Variants in GRM5 observed in about 807,000 individuals in gnomAD.
The protein encoded by GRM5 is glutamate metabotropic receptor 5.
In GRM5, 19 loss-of-function variants were observed where a neutral mutation model predicts 83.1. The observed-to-expected ratio is 0.23, with a 90% CI of 0.16 to 0.34. The LOEUF is 0.34. Among genes scored for constraint, GRM5 ranks in the 10% least tolerant of loss-of-function variants. The probability of loss-of-function intolerance (pLI) is 1.00; values close to 1 mark genes in which losing one functional copy is unlikely to be tolerated. For missense variants in GRM5, 1,160 were observed against 1,588.3 expected (o/e 0.73, Z 4.58); for synonymous variants, 675 against 633.6 (o/e 1.07, Z -0.98).
At chr11:89,041,655 C>T (rs1208295994) in intron 2 of GRM5, among the ~76,000 whole-genome samples, 3 of 152,178 alleles carry the variant, frequency 2.0e-5, no homozygotes, top group Non-Finnish European at 2.9e-5. Context: ...CCCCTCTAAA[C>T]GCTCTTTCCA....
chr11:88,622,146 T>C (rs576483567), intron 4 of GRM5, among the ~76,000 whole-genome samples: 37 of 152,276 alleles, frequency 2.4e-4, no homozygotes, highest in African/African-American at 8.9e-4. Flanking sequence ...TCTGAAATAT[T>C]TCAAAGGTAG....
At chr11:88,588,098 A>AG (rs1241098891) in intron 7 of GRM5, among the ~76,000 whole-genome samples, 15 of 152,190 alleles carry the variant, frequency 9.9e-5, no homozygotes, top group African/African-American at 3.6e-4. Flanking sequence ...TTCTCCCATC[A>AG]GCACCTTCTT....
At chr11:89,007,057 A>G (rs1940550779) in intron 2 of GRM5, among the ~76,000 whole-genome samples, 1 of 152,140 alleles carries the variant, frequency 6.6e-6, no homozygotes, top group Non-Finnish European at 1.5e-5. Flanking sequence ...TTGGCCTCCC[A>G]AAGTGCTGGG....
chr11:88,540,828 G>A (rs1942248443), intron 8 of GRM5, among the ~76,000 whole-genome samples: 2 of 151,872 alleles, frequency 1.3e-5, no homozygotes, highest in South Asian at 2.1e-4. Flanking sequence ...CTCACTGTAA[G>A]CTCTGCCTCC....
intron 2 of GRM5, among the ~76,000 whole-genome samples, chr11:88,874,451 A>G (rs1257762329): frequency 2.0e-5 from 3 of 151,982 alleles, no homozygotes; most frequent in Non-Finnish European, 4.4e-5. Flanking sequence ...ATTGGATTAA[A>G]GACTTAAATG....
chr11:89,003,018 C>T (rs1033442429), intron 2 of GRM5, among the ~76,000 whole-genome samples: 1 of 152,020 alleles, frequency 6.6e-6, no homozygotes, highest in Non-Finnish European at 1.5e-5. Flanking sequence ...TTCTTGTTCA[C>T]TGCACTATCC....
At chr11:88,553,232 A>G (rs1458475714) in intron 8 of GRM5, among the ~76,000 whole-genome samples, 1 of 152,204 alleles carries the variant, frequency 6.6e-6, no homozygotes, top group East Asian at 1.9e-4. Flanking sequence ...CATTTGGGCT[A>G]GAACATTTGG....
chr11:88,678,906 T>G (rs1052420192), intron 3 of GRM5, among the ~76,000 whole-genome samples: 6 of 151,372 alleles, frequency 4.0e-5, no homozygotes, highest in Non-Finnish European at 5.9e-5. Context: ...GAAGCTTGAC[T>G]CATTTAAAAA....
intron 3 of GRM5, among the ~76,000 whole-genome samples, chr11:88,702,862 G>C (rs1941067321): frequency 6.6e-6 from 1 of 152,056 alleles, no homozygotes; most frequent in Non-Finnish European, 1.5e-5. Context: ...TCAACCATCT[G>C]TAGGTCAATG....
intron 2 of GRM5, chr11:88,925,753 A>T (rs1229445555): frequency 2.2e-6 from 1 of 453,678 alleles, no homozygotes; most frequent in South Asian, 1.5e-5. Context: ...CTCTACTAAA[A>T]ATACAAAAAT....
At chr11:89,041,702 T>A (rs1235677792) in intron 2 of GRM5, among the ~76,000 whole-genome samples, 1 of 152,150 alleles carries the variant, frequency 6.6e-6, no homozygotes, top group Non-Finnish European at 1.5e-5. Context: ...AGCAATGAAG[T>A]TTCTGACAGT....
At chr11:89,038,472 G>C (rs1473509367) in intron 2 of GRM5, among the ~76,000 whole-genome samples, 2 of 152,172 alleles carry the variant, frequency 1.3e-5, no homozygotes, top group Non-Finnish European at 2.9e-5. Flanking sequence ...ATTGGCATCT[G>C]AAGGACAGAG....
chr11:88,726,280 AG>A (rs1367739300), intron 3 of GRM5, among the ~76,000 whole-genome samples: 2 of 152,208 alleles, frequency 1.3e-5, no homozygotes, highest in African/African-American at 4.8e-5. Context: ...AGCAGAAGAA[AG>A]GATATCAGAG....
At position 88,954,738 on chromosome 11, in the gene GRM5, CT is replaced by C. The variant is rs528545837; in HGVS notation, c.661+92473del. The stretch of plus-strand genomic sequence containing the variant: ...GACAGCACAGCTCTAGTCATTTCCC[CT>C]GTGTTCTGTCCTGTAATCACCTGGC... On this transcript the variant is annotated intron_variant, in intron 2 of 9. Transcript: ENST00000305447. Among the ~76,000 whole-genome samples the C allele has an allele frequency of 2.2e-3, 337 of 152,262 alleles. 2 individuals carry two copies. The highest frequency in any genetic ancestry group is 7.5e-3 in the African/African-American group (311 of 41,558).
intron 2 of GRM5, among the ~76,000 whole-genome samples, chr11:88,904,441 C>T (rs994066548): frequency 6.6e-6 from 1 of 152,208 alleles, no homozygotes; most frequent in Non-Finnish European, 1.5e-5. Context: ...CCAATGTCAT[C>T]CTCTCCTGGA....
intron 3 of GRM5, among the ~76,000 whole-genome samples, chr11:88,752,232 G>C (rs1942293219): frequency 6.6e-6 from 1 of 152,096 alleles, no homozygotes; most frequent in Non-Finnish European, 1.5e-5. Flanking sequence ...AGTTTATTAA[G>C]GTGAGAAGCA....
At chr11:88,538,294 C>T (rs1285653097) in intron 8 of GRM5, among the ~76,000 whole-genome samples, 1 of 152,168 alleles carries the variant, frequency 6.6e-6, no homozygotes, top group Non-Finnish European at 1.5e-5. Context: ...TATGAATCAT[C>T]ATAAGTCATT....
chr11:88,779,941 C>G (rs1942939774), intron 3 of GRM5, among the ~76,000 whole-genome samples: 1 of 152,126 alleles, frequency 6.6e-6, no homozygotes, highest in Non-Finnish European at 1.5e-5. Context: ...CTCTTGTTCA[C>G]TATGTTCCAG....
chr11:88,626,348 C>T (rs1053376782), intron 4 of GRM5, among the ~76,000 whole-genome samples: 1 of 152,186 alleles, frequency 6.6e-6, no homozygotes, highest in African/African-American at 2.4e-5. Context: ...ATAAAACAGT[C>T]TAATCGGAAA....
Sources: allele counts gnomAD v4.1 joint callset (sites outside exome capture counted in the v4.1 genomes callset), GRCh38; gene constraint gnomAD v4.1.1; transcripts MANE v1.5; gene names NCBI Gene and HGNC (gene_info 2026-07-23, HGNC 2026-07-21).